The following RANBP2 variants were observed in gnomAD, a reference collection of about 807,000 sequenced individuals.
The protein encoded by RANBP2 is E3 SUMO-protein ligase RanBP2.
A neutral mutation model predicts 303.6 loss-of-function variants in RANBP2; 57 were observed. The ratio of observed to expected loss-of-function variants is 0.19; its 90% confidence interval spans 0.15 to 0.23. RANBP2 has a LOEUF of 0.23. Ranked by LOEUF, RANBP2 falls within the 10% of genes least tolerant of loss-of-function variation. RANBP2 has a pLI of 1.00. For missense variants in RANBP2, 3,138 were observed against 3,780.8 expected, an observed-to-expected ratio of 0.83 and a Z score of 4.46; for synonymous variants, 1,167 against 1,301.5, an observed-to-expected ratio of 0.90 and a Z score of 2.23.
At chr2:108,774,521 T>G (rs975725742) in intron 23 of RANBP2, among the ~76,000 whole-genome samples, 1 of 152,180 alleles carries the variant, frequency 6.6e-6, no homozygotes, top group Admixed American at 6.5e-5. Flanking sequence ...AGAAGTATTT[T>G]CTGTATTGCT....
At chr2:109,462,279 T>C in the RANBP2 span, among the ~76,000 whole-genome samples, 1 of 151,640 alleles carries the variant, frequency 6.6e-6, no homozygotes, top group African/African-American at 2.4e-5. Context: ...TGAGTTTCAT[T>C]GCTGGCCTTG....
the RANBP2 span, chr2:109,129,932 C>T: frequency 2.0e-6 from 3 of 1,481,800 alleles, no homozygotes; most frequent in Non-Finnish European, 2.7e-6. Flanking sequence ...GGCACCAGCC[C>T]CGGCGGCAGC....
the RANBP2 span, among the ~76,000 whole-genome samples, chr2:109,144,870 C>T: frequency 6.6e-6 from 1 of 152,238 alleles, no homozygotes; most frequent in African/African-American, 2.4e-5. Context: ...GGGAATAGGC[C>T]TCGCTCAGCA....
At chr2:108,844,602 A>AT in the RANBP2 span, among the ~76,000 whole-genome samples, 4 of 152,062 alleles carry the variant, frequency 2.6e-5, no homozygotes, top group African/African-American at 4.8e-5. Flanking sequence ...ATGGTGGGTG[A>AT]TTTTAAATTG....
At chr2:109,647,634 A>C in the RANBP2 span, among the ~76,000 whole-genome samples, 2 of 150,934 alleles carry the variant, frequency 1.3e-5, no homozygotes, top group Non-Finnish European at 2.9e-5. Flanking sequence ...ATGCCCAGCT[A>C]ATTTTTTGTA....
downstream of RANBP2, chr2:108,787,969 A>G: frequency 7.7e-7 from 1 of 1,299,742 alleles, no homozygotes. Context: ...TTTGTGGGGA[A>G]ATATTTTGAG....
chr2:108,985,620 A>G, the RANBP2 span, among the ~76,000 whole-genome samples: 144,643 of 152,314 alleles, frequency 0.95, 69,112 homozygotes, highest in East Asian at 1. Context: ...AGGAAGCAGG[A>G]CCTCCAGCTT....
the RANBP2 span, among the ~76,000 whole-genome samples, chr2:109,385,548 G>A: frequency 6.6e-6 from 1 of 152,262 alleles, no homozygotes; most frequent in African/African-American, 2.4e-5. Flanking sequence ...TAGAGAATGA[G>A]TTTCCTTGAA....
At chr2:109,240,515 C>T in the RANBP2 span, among the ~76,000 whole-genome samples, 23 of 152,086 alleles carry the variant, frequency 1.5e-4, 1 homozygote, top group Admixed American at 5.2e-4. Context: ...AAAACTAAAA[C>T]CAGAGTCAGG....
chr2:108,913,195 C>T, the RANBP2 span, among the ~76,000 whole-genome samples: 94 of 152,022 alleles, frequency 6.2e-4, no homozygotes, highest in African/African-American at 2.0e-3. Flanking sequence ...GTGATCTGCC[C>T]GCCTCGGCCT....
chr2:109,050,622 C>T, the RANBP2 span, among the ~76,000 whole-genome samples: 4 of 152,070 alleles, frequency 2.6e-5, no homozygotes, highest in Non-Finnish European at 5.9e-5. Flanking sequence ...TTCTACTGGA[C>T]AGCTGGCACA....
chr2:108,787,894 T>G, downstream of RANBP2: 1 of 728,828 alleles, frequency 1.4e-6, no homozygotes, highest in Non-Finnish European at 2.1e-6. Context: ...ATATTAGTTT[T>G]GATCACTTGG....
the RANBP2 span, among the ~76,000 whole-genome samples, chr2:109,200,017 T>A: frequency 6.6e-6 from 1 of 151,982 alleles, no homozygotes; most frequent in South Asian, 2.1e-4. Context: ...CTGCTGAGCA[T>A]GCTGTGATGC....
At chr2:109,613,192 T>C in the RANBP2 span, 14 of 1,288,232 alleles carry the variant, frequency 1.1e-5, no homozygotes, top group Non-Finnish European at 1.3e-5. Context: ...GGAAAACCGC[T>C]GGCTTACTAA....
the RANBP2 span, among the ~76,000 whole-genome samples, chr2:109,252,673 C>G: frequency 3.3e-5 from 5 of 152,214 alleles, no homozygotes; most frequent in Non-Finnish European, 7.3e-5. Flanking sequence ...TACAGAACCT[C>G]ATAGCTCAGC....
chr2:109,522,613 C>T, the RANBP2 span, among the ~76,000 whole-genome samples: 2 of 118,912 alleles, frequency 1.7e-5, no homozygotes, highest in South Asian at 2.6e-4. Context: ...CTTTTTTTTT[C>T]CAGGCTGGTC....
the RANBP2 span, among the ~76,000 whole-genome samples, chr2:109,237,591 G>A: frequency 6.6e-6 from 1 of 152,118 alleles, no homozygotes; most frequent in Admixed American, 6.5e-5. Context: ...AACATTATGA[G>A]ATTTTTGTGT....
At chr2:109,142,393 T>C in the RANBP2 span, among the ~76,000 whole-genome samples, 1 of 152,248 alleles carries the variant, frequency 6.6e-6, no homozygotes, top group Non-Finnish European at 1.5e-5. Flanking sequence ...CAAAGCACCC[T>C]GTGGGGTTAG....
At chr2:108,795,891 G>A in the RANBP2 span, among the ~76,000 whole-genome samples, 1 of 152,040 alleles carries the variant, frequency 6.6e-6, no homozygotes, top group Non-Finnish European at 1.5e-5. Flanking sequence ...AAAAAGTCAG[G>A]TTTTAGGAAG....
Sources: gnomAD v4.1 joint callset for allele counts (sites outside exome capture counted in the v4.1 genomes callset) on GRCh38, gnomAD v4.1.1 for gene constraint, MANE v1.5 for transcripts, NCBI Gene and HGNC (gene_info 2026-07-23, HGNC 2026-07-21) for gene names.